Variants in ANKS6 observed in about 807,000 individuals in gnomAD.
ANKS6 encodes the protein ankyrin repeat and SAM domain-containing protein 6.
Under a neutral mutation model 77.9 loss-of-function variants are expected in ANKS6, and 47 were observed. That is an observed-to-expected ratio of 0.60 (90% confidence interval 0.48 to 0.77). The LOEUF is 0.77. Among genes scored for constraint, ANKS6 ranks in the 30% least tolerant of loss-of-function variants. The pLI is 0.00. For synonymous variants in ANKS6, 488 were observed against 501.7 expected (o/e 0.97, Z 0.37); for missense variants, 1,150 against 1,159.1 (o/e 0.99, Z 0.11).
chr9:98,739,346 C>T (rs1831686281), intron 14 of ANKS6, among the ~76,000 whole-genome samples: 1 of 152,202 alleles, frequency 6.6e-6, no homozygotes, highest in African/African-American at 2.4e-5. Flanking sequence ...GTGGCATGCA[C>T]CTGTAGTCCC....
intron 14 of ANKS6, among the ~76,000 whole-genome samples, chr9:98,740,548 A>G (rs920660203): frequency 6.6e-6 from 1 of 152,242 alleles, no homozygotes; most frequent in Non-Finnish European, 1.5e-5. Context: ...CAGAGGGCTA[A>G]AATGTAAATG....
intron 11 of ANKS6, among the ~76,000 whole-genome samples, chr9:98,762,886 G>A (rs2117975436): frequency 6.6e-6 from 1 of 152,060 alleles, no homozygotes; most frequent in African/African-American, 2.4e-5. Context: ...CCAATCTTAG[G>A]AGAAAAGAAA....
At chr9:98,767,243 C>T (rs1833351989) in intron 11 of ANKS6, among the ~76,000 whole-genome samples, 1 of 152,164 alleles carries the variant, frequency 6.6e-6, no homozygotes, top group Non-Finnish European at 1.5e-5. Context: ...CGGCTCTGTC[C>T]TGCTCATGTC....
In ANKS6 at chr9:98,734,593, C is replaced by T; in HGVS notation, c.*1926G>A. The T allele has an allele frequency of 1.0e-6, 1 of 985,222 alleles. No individual in the cohort carries two copies. The highest frequency in any genetic ancestry group is 1.2e-6 in the Non-Finnish European group (1 of 829,736). The allele number at this position is 985,222 out of a possible 1,614,324, so 61.0% of individuals were successfully genotyped here. A position where few individuals can be genotyped will look rare whatever the true frequency, so the allele number is the denominator to read the frequency against. On this transcript the variant is annotated 3_prime_UTR_variant, in exon 15 of 15. Coordinates refer to ENST00000353234, the MANE Select transcript of ANKS6 (RefSeq NM_173551.5). ...TCTATAGGAGTTAGTGGAAAAGGCA[C>T]AGGCTTGCAAGCCCACCAGGTCCGG...
chr9:98,784,765 A>G, intron 3 of ANKS6, 67 bp downstream of exon 3: 5 of 1,453,458 alleles, frequency 3.4e-6, no homozygotes, highest in East Asian at 2.3e-5. Flanking sequence ...AAGGACTACA[A>G]ATATTAGGTT....
In ANKS6 at chr9:98,777,416, A is replaced by G; in HGVS notation, c.1606T>C (p.Leu536=). 6.2e-7 allele frequency: 1 copy of G among 1,614,234 alleles called. No homozygotes were observed. Among genetic ancestry groups the G allele is most frequent in the South Asian group, 1.1e-5 (1 of 91,086 alleles). ...AGCCCCACACTCACCATGGTTGTCAATAACGTGTCTTCCTTTTCTCCTCTT... is the reference window on the plus strand; with the variant it reads ...AGCCCCACACTCACCATGGTTGTCAGTAACGTGTCTTCCTTTTCTCCTCTT... ...STRGEKEDTL[L]TTMLRNGAPL... The change falls in exon 8 of 15, where the codon TTG becomes CTG. Residue 536 remains leucine (L), a synonymous_variant. Coordinates refer to ENST00000353234, the MANE Select transcript of ANKS6 (RefSeq NM_173551.5).
rs374596160 is a variant in ANKS6 at position 98,790,297 on chromosome 9, G to A, written c.669C>T (p.Thr223=). 3.2e-5 allele frequency: 52 copies of A among 1,604,828 alleles called. No homozygotes were observed. Among genetic ancestry groups the A allele is most frequent in the South Asian group, 5.5e-5 (5 of 90,920 alleles). ...CCAGCATCAGCGGGCTCCAGCCCACGGTCCGGGCTGCGTGGTTGGGGTCCG... is the reference window on the plus strand; with the variant it reads ...CCAGCATCAGCGGGCTCCAGCCCACAGTCCGGGCTGCGTGGTTGGGGTCCG... ...WGADPNHAAR[T]VGWSPLMLAA... Residue 223 remains threonine (T), a synonymous_variant, in exon 2 of 15, where the codon ACC becomes ACT. Transcript: ENST00000353234.
intron 14 of ANKS6, 94 bp from the exon 15 acceptor site, chr9:98,736,717 C>T (rs1396080721): frequency 6.9e-7 from 1 of 1,444,314 alleles, no homozygotes. Flanking sequence ...TCAACTCATA[C>T]TTCAAAAACC....
intron 2 of ANKS6, chr9:98,789,846 T>C (rs1041270375): frequency 9.0e-6 from 4 of 446,722 alleles, no homozygotes; most frequent in Admixed American, 3.9e-5. Flanking sequence ...AATGATGTGC[T>C]TGGGGAGAGC....
intron 1 of ANKS6, among the ~76,000 whole-genome samples, chr9:98,793,862 A>G (rs1356704142): frequency 6.7e-6 from 1 of 149,996 alleles, no homozygotes; most frequent in Non-Finnish European, 1.5e-5. Context: ...AAGAACATGA[A>G]AAAACATGCC....
chr9:98,758,044 T>C (rs981076643), intron 11 of ANKS6, among the ~76,000 whole-genome samples: 17 of 152,236 alleles, frequency 1.1e-4, no homozygotes, highest in African/African-American at 4.1e-4. Flanking sequence ...TTGGTGAGTC[T>C]CACTGAGGCA....
At chr9:98,753,708 A>G (rs1832551098) in intron 12 of ANKS6, among the ~76,000 whole-genome samples, 1 of 152,120 alleles carries the variant, frequency 6.6e-6, no homozygotes, top group Admixed American at 6.5e-5. Flanking sequence ...CAACCTACCA[A>G]TCTAATGCCC....
intron 11 of ANKS6, among the ~76,000 whole-genome samples, chr9:98,764,130 A>G (rs929699821): frequency 6.6e-6 from 1 of 152,134 alleles, no homozygotes; most frequent in Non-Finnish European, 1.5e-5. Context: ...TTATGAGCCA[A>G]CGTGACAGTT....
At position 98,780,172 on chromosome 9, in the gene ANKS6, G is replaced by C. The variant is rs1410345771; in HGVS notation, c.1368+17C>G. 1 of 1,612,786 alleles carries C rather than the reference G, an allele frequency of 6.2e-7. No homozygotes were observed. The highest frequency in any genetic ancestry group is 8.5e-7 in the Non-Finnish European group (1 of 1,179,916). On this transcript the variant is annotated intron_variant, in intron 6 of 14. Transcript: ENST00000353234. ...CTCCCTAGCCCCCAAGCCCCTTTAAGACAGGAAAAGGCAAACCTTCAGTCC... is the reference window on the plus strand; with the variant it reads ...CTCCCTAGCCCCCAAGCCCCTTTAACACAGGAAAAGGCAAACCTTCAGTCC...
In ANKS6 at chr9:98,735,551, C is replaced by A. The variant is rs985816097; in HGVS notation, c.*968G>T. Reference sequence around the variant, plus strand: ...AAAATTCCAAATTTTCACTTCTTTGCCTAGAAACTTTGAGCACCAGAGACC... The same window carrying A: ...AAAATTCCAAATTTTCACTTCTTTGACTAGAAACTTTGAGCACCAGAGACC... On this transcript the variant is annotated 3_prime_UTR_variant, in exon 15 of 15. Transcript: ENST00000353234. 48 of 1,230,480 alleles carry A rather than the reference C, an allele frequency of 3.9e-5. No individual in the cohort carries two copies. The highest frequency in any genetic ancestry group is 6.3e-5 in the East Asian group (2 of 31,692). The allele number at this position is 1,230,480 out of a possible 1,614,324, so 76.2% of individuals were successfully genotyped here.
intron 11 of ANKS6, among the ~76,000 whole-genome samples, chr9:98,766,924 T>C (rs1833329167): frequency 6.6e-6 from 1 of 152,100 alleles, no homozygotes; most frequent in Non-Finnish European, 1.5e-5. Flanking sequence ...GAGTGGGGTT[T>C]TGCCTGGACA....
intron 14 of ANKS6, among the ~76,000 whole-genome samples, chr9:98,737,715 C>T (rs1831579716): frequency 6.6e-6 from 1 of 152,004 alleles, no homozygotes; most frequent in African/African-American, 2.4e-5. Context: ...TCATTCTCCA[C>T]AAAATTAGAA....
rs978248584 is a variant in ANKS6 at position 98,732,324 on chromosome 9, C to A, written c.*4195G>T. ...AAGAATAAAAGGGACGAGTTCCCTGCCCCCTTTTTACCCGCTGGATCAGCT... is the reference window on the plus strand; with the variant it reads ...AAGAATAAAAGGGACGAGTTCCCTGACCCCTTTTTACCCGCTGGATCAGCT... On this transcript the variant is annotated 3_prime_UTR_variant, in exon 15 of 15. Transcript: ENST00000353234. The A allele has an allele frequency of 2.8e-5, 20 of 724,296 alleles. No individual in the cohort carries two copies. The highest frequency in any genetic ancestry group is 4.2e-5 in the Non-Finnish European group (19 of 449,592). 44.9% of individuals were successfully genotyped at this position (724,296 alleles called of 1,614,324 possible).
intron 11 of ANKS6, among the ~76,000 whole-genome samples, chr9:98,765,704 T>C: frequency 6.6e-6 from 1 of 152,094 alleles, no homozygotes; most frequent in East Asian, 1.9e-4. Context: ...CCTCCAGAGA[T>C]CTGGGAAGTA....
Sources: gnomAD v4.1 joint callset for allele counts (sites outside exome capture counted in the v4.1 genomes callset) on GRCh38, gnomAD v4.1.1 for gene constraint, MANE v1.5 for transcripts, NCBI Gene and HGNC (gene_info 2026-07-23, HGNC 2026-07-21) for gene names.